Variants in SHISA9 observed in about 807,000 individuals in gnomAD.
SHISA9 encodes shisa family member 9.
SHISA9 carries 13 observed loss-of-function variants against 38.0 expected under a neutral mutation model. The ratio of observed to expected loss-of-function variants is 0.34; its 90% CI spans 0.22 to 0.54. The LOEUF (loss-of-function observed/expected upper bound fraction) is 0.54, where lower values mean the gene tolerates loss of function less well. Ranked by LOEUF, SHISA9 falls within the 20% of genes least tolerant of loss-of-function variation. SHISA9 has a pLI of 0.91. For synonymous variants in SHISA9, 275 were observed against 242.0 expected (o/e 1.14, Z -1.27); for missense variants, 538 against 575.8 (o/e 0.93, Z 0.67).
chr16:13,188,337 TG>T (rs1191520690), intron 2 of SHISA9, among the ~76,000 whole-genome samples: 1 of 152,164 alleles, frequency 6.6e-6, no homozygotes, highest in African/African-American at 2.4e-5. Context: ...CTTCCTTTCC[TG>T]GGTTAGAATT....
Position 12,970,368 on chromosome 16 carries a change from T to C in SHISA9, c.691+53553T>C, listed in dbSNP as rs12922818. On this transcript the variant is annotated intron_variant, in intron 2 of 4. Transcript: ENST00000558583. Reference sequence around the variant, plus strand: ...ACATATATGTGTATATATATATATATACATATATATATACATATATGTATA... The same window carrying C: ...ACATATATGTGTATATATATATATACACATATATATATACATATATGTATA... 7.3e-3 allele frequency among the ~76,000 whole-genome samples: 639 copies of C among 87,782 alleles called. 17 individuals are homozygous for C. The highest frequency in any genetic ancestry group is 0.02 in the African/African-American group (416 of 20,326). 57.6% of individuals were successfully genotyped at this position (87,782 alleles called of 152,430 possible). A position where few individuals can be genotyped will look rare whatever the true frequency, so the allele number is the denominator to read the frequency against.
chr16:13,260,007 C>CCTT, the SHISA9 span, among the ~76,000 whole-genome samples: 43 of 60,444 alleles, frequency 7.1e-4, 1 homozygote, highest in African/African-American at 2.7e-3. Context: ...TTCTTTCTTT[C>CCTT]TTTTTTTTTT....
intron 2 of SHISA9, among the ~76,000 whole-genome samples, chr16:12,919,204 A>G (rs1247916206): frequency 1.3e-5 from 2 of 152,220 alleles, no homozygotes; most frequent in Admixed American, 6.5e-5. Flanking sequence ...GAAGGTATCC[A>G]GTCTGATAAA....
At chr16:12,947,522 A>G (rs1352089773) in intron 2 of SHISA9, among the ~76,000 whole-genome samples, 2 of 152,192 alleles carry the variant, frequency 1.3e-5, no homozygotes, top group Non-Finnish European at 2.9e-5. Flanking sequence ...GCAAAAGGAG[A>G]AAAGGATATC....
chr16:12,973,868 C>G (rs1329181456), intron 2 of SHISA9, among the ~76,000 whole-genome samples: 2 of 152,196 alleles, frequency 1.3e-5, no homozygotes, highest in Admixed American at 1.3e-4. Flanking sequence ...AAAGGCTCTT[C>G]TCTTGTGTGG....
chr16:13,487,113 T>G, the SHISA9 span, among the ~76,000 whole-genome samples: 1 of 152,250 alleles, frequency 6.6e-6, no homozygotes, highest in African/African-American at 2.4e-5. Context: ...TTCCACCTCT[T>G]TCTTCATTGC....
the SHISA9 span, among the ~76,000 whole-genome samples, chr16:13,411,091 A>G: frequency 6.6e-6 from 1 of 152,226 alleles, no homozygotes; most frequent in African/African-American, 2.4e-5. Flanking sequence ...GTCTAGATAC[A>G]TGGGTTTTCA....
the SHISA9 span, among the ~76,000 whole-genome samples, chr16:13,559,513 G>A: frequency 6.6e-6 from 1 of 151,884 alleles, no homozygotes; most frequent in Non-Finnish European, 1.5e-5. Flanking sequence ...AAGTAGCTAG[G>A]ATTATAGCCA....
the SHISA9 span, among the ~76,000 whole-genome samples, chr16:13,276,516 A>G: frequency 6.6e-6 from 1 of 152,168 alleles, no homozygotes; most frequent in African/African-American, 2.4e-5. Context: ...TGCCTATACT[A>G]GTTTATATTC....
the SHISA9 span, among the ~76,000 whole-genome samples, chr16:13,383,621 C>T: frequency 6.6e-6 from 1 of 152,196 alleles, no homozygotes; most frequent in African/African-American, 2.4e-5. Flanking sequence ...ATTGCACCAG[C>T]CACAATTATG....
the SHISA9 span, among the ~76,000 whole-genome samples, chr16:13,558,275 C>T: frequency 6.6e-6 from 1 of 152,158 alleles, no homozygotes; most frequent in Non-Finnish European, 1.5e-5. Flanking sequence ...ATTCACATCC[C>T]ACATCTCTGG....
chr16:13,251,409 G>C, the SHISA9 span, among the ~76,000 whole-genome samples: 1 of 152,260 alleles, frequency 6.6e-6, no homozygotes, highest in African/African-American at 2.4e-5. Context: ...GTGCTTTAAA[G>C]CTCTTGCTTT....
rs867145022 is a variant in SHISA9, at chr16:13,131,453, C to G, written c.692-71941C>G. On this transcript the variant is annotated intron_variant, in intron 2 of 4. Coordinates refer to ENST00000558583, the MANE Select transcript of SHISA9 (RefSeq NM_001145204.3). ...ACATGGCAGGGGTGGACAACACACA[C>G]TGGGGCCTGTTGTAGAGGTTGTGGG... is the stretch of plus-strand genomic sequence containing the variant. Among the ~76,000 whole-genome samples, 7 of 152,006 alleles carry G rather than the reference C, an allele frequency of 4.6e-5. No homozygotes were observed. The South Asian group carries it at 8.3e-4, about 18-fold the overall frequency.
intron 2 of SHISA9, among the ~76,000 whole-genome samples, chr16:13,051,257 G>C (rs867079698): frequency 6.6e-6 from 1 of 152,242 alleles, no homozygotes; most frequent in Non-Finnish European, 1.5e-5. Context: ...TAACATGGCA[G>C]CAGCCAAGAG....
At chr16:13,292,184 C>G in the SHISA9 span, among the ~76,000 whole-genome samples, 1 of 151,916 alleles carries the variant, frequency 6.6e-6, no homozygotes, top group South Asian at 2.1e-4. Context: ...ACCCAAGACC[C>G]TTGTTTCTAA....
At chr16:12,970,493 ATATATTTTTTT>A (rs2072064242) in intron 2 of SHISA9, among the ~76,000 whole-genome samples, 11 of 30,366 alleles carry the variant, frequency 3.6e-4, no homozygotes, top group African/African-American at 1.3e-3. Context: ...ATATATATAT[ATATATTTTTTT>A]TTTTTTTTTT....
intron 2 of SHISA9, among the ~76,000 whole-genome samples, chr16:12,992,684 C>T (rs946702457): frequency 3.9e-5 from 6 of 152,146 alleles, no homozygotes; most frequent in Non-Finnish European, 5.9e-5. Context: ...CTGTTTTCCG[C>T]AATTTTATTA....
chr16:13,013,221 A>G (rs757148793), intron 2 of SHISA9, among the ~76,000 whole-genome samples: 1 of 152,176 alleles, frequency 6.6e-6, no homozygotes, highest in Non-Finnish European at 1.5e-5. Context: ...TGGAGCCTAC[A>G]GCTTTGACCG....
chr16:13,064,283 G>A (rs2073408829), intron 2 of SHISA9, among the ~76,000 whole-genome samples: 1 of 152,274 alleles, frequency 6.6e-6, no homozygotes, highest in East Asian at 1.9e-4. Context: ...CTATGTGCTA[G>A]GTACTTTTAT....
Sources: allele counts gnomAD v4.1 joint callset (sites outside exome capture counted in the v4.1 genomes callset), GRCh38; gene constraint gnomAD v4.1.1; transcripts MANE v1.5; gene names NCBI Gene and HGNC (gene_info 2026-07-23, HGNC 2026-07-21).